The following ACBD6 variants were observed in gnomAD, a reference collection of about 807,000 sequenced individuals.
ACBD6 encodes the protein acyl-CoA binding domain containing 6.
A neutral mutation model predicts 37.2 loss-of-function variants in ACBD6; 28 were observed. The ratio of observed to expected loss-of-function variants is 0.75; its 90% CI spans 0.56 to 1.03. The LOEUF (loss-of-function observed/expected upper bound fraction) is 1.03. Ranked by LOEUF, ACBD6 falls within the 50% of genes least tolerant of loss-of-function variation. The pLI is 0.00. For missense variants in ACBD6, 340 were observed against 337.4 expected (o/e 1.01, Z -0.06); for synonymous variants, 113 against 126.8 (o/e 0.89, Z 0.73).
rs59490649 is a variant in ACBD6, at chr1:180,351,582, G to GT, written c.664-36861dup. 3.2e-3 allele frequency among the ~76,000 whole-genome samples: 314 copies of GT among 96,972 alleles called. 1 individual carries two copies. The highest frequency in any genetic ancestry group is 9.8e-3 in the African/African-American group (275 of 28,100). 63.6% of individuals were successfully genotyped at this position (96,972 alleles called of 152,430 possible). ...GTCACTGTGCCTGGCCCGATATTACGTTTTTTTTTTTTTTTTTTTTGATAG... is the reference window on the plus strand; with the variant it reads ...GTCACTGTGCCTGGCCCGATATTACGTTTTTTTTTTTTTTTTTTTTTGATAG... On this transcript the variant is annotated intron_variant, in intron 6 of 7. Coordinates refer to ENST00000367595, the MANE Select transcript of ACBD6 (RefSeq NM_032360.4).
intron 4 of ACBD6, among the ~76,000 whole-genome samples, chr1:180,424,785 A>G (rs1392695796): frequency 2.0e-5 from 3 of 152,178 alleles, no homozygotes; most frequent in Non-Finnish European, 4.4e-5. Flanking sequence ...GAAAACAGAG[A>G]GGAAGAAAAG....
chr1:180,304,417 T>C (rs1035269554), intron 7 of ACBD6, among the ~76,000 whole-genome samples: 20 of 150,994 alleles, frequency 1.3e-4, no homozygotes, highest in Non-Finnish European at 2.7e-4. Context: ...AGTCTCAGGA[T>C]ACAAAATCAA....
chr1:180,271,911 A>T, exon 14 of ACBD6: 1 of 1,613,592 alleles, frequency 6.2e-7, no homozygotes, highest in Non-Finnish European at 8.5e-7. Flanking sequence ...GGGCAGTTCT[A>T]TAAGAGCGTC....
chr1:180,357,369 A>G (rs1043792787), intron 6 of ACBD6, among the ~76,000 whole-genome samples: 1 of 152,216 alleles, frequency 6.6e-6, no homozygotes, highest in Non-Finnish European at 1.5e-5. Flanking sequence ...GAATAAGTAA[A>G]GAAACGGTAA....
At chr1:180,324,484 A>C (rs1431849344) in intron 6 of ACBD6, among the ~76,000 whole-genome samples, 1 of 152,136 alleles carries the variant, frequency 6.6e-6, no homozygotes, top group African/African-American at 2.4e-5. Flanking sequence ...ATAGGCAAAA[A>C]AAAACTAATA....
chr1:180,274,082 C>T lies in ACBD6; in HGVS notation c.*967G>A, dbSNP rs1037861690. ...TGCTTGGCTGCAAGGCAGCTGCCAT[C>T]CTTGGGCATCTTTCCTGGTCATGTG... On this transcript the variant is annotated 3_prime_UTR_variant, in exon 11 of 14. Transcript: ENST00000642319. The T allele has an allele frequency of 4.1e-6, 6 of 1,455,218 alleles. No individual in the cohort carries two copies. In the East Asian group the frequency reaches 1.4e-4, roughly 33 times the overall value. The allele number at this position is 1,455,218 out of a possible 1,614,324, so 90.1% of individuals were successfully genotyped here. A position where few individuals can be genotyped will look rare whatever the true frequency, so the allele number is the denominator to read the frequency against.
intron 3 of ACBD6, among the ~76,000 whole-genome samples, chr1:180,454,930 A>G (rs2102032776): frequency 6.6e-6 from 1 of 152,298 alleles, no homozygotes; most frequent in African/African-American, 2.4e-5. Context: ...TGGGACTGTA[A>G]ACTAGTTCAA....
chr1:180,334,854 C>T (rs1219249985), intron 6 of ACBD6, among the ~76,000 whole-genome samples: 2 of 152,072 alleles, frequency 1.3e-5, no homozygotes, highest in East Asian at 1.9e-4. Flanking sequence ...ACGAGAACTA[C>T]GTGACGAATG....
chr1:180,353,785 C>CAAA (rs56286672), intron 6 of ACBD6, among the ~76,000 whole-genome samples: 14,681 of 21,560 alleles, frequency 0.68, 5,284 homozygotes, highest in East Asian at 0.85. Context: ...TTAACAACCA[C>CAAA]AAAAAAAAAA....
intron 7 of ACBD6, among the ~76,000 whole-genome samples, chr1:180,289,805 C>A (rs190297523): frequency 2.4e-4 from 37 of 152,120 alleles, no homozygotes; most frequent in Middle Eastern, 3.4e-3. Context: ...GGGAAAAAAA[C>A]AAGTGAGAAG....
chr1:180,383,254 C>T (rs1272960342), intron 6 of ACBD6, among the ~76,000 whole-genome samples: 1 of 152,126 alleles, frequency 6.6e-6, no homozygotes, highest in Non-Finnish European at 1.5e-5. Flanking sequence ...TCAAACTGTC[C>T]TTCTTTGACA....
At chr1:180,281,022 G>A (rs1014995263) in intron 9 of ACBD6, among the ~76,000 whole-genome samples, 1 of 152,154 alleles carries the variant, frequency 6.6e-6, no homozygotes, top group African/African-American at 2.4e-5. Context: ...CTGTTTTTGA[G>A]TATAGCAGGT....
intron 6 of ACBD6, among the ~76,000 whole-genome samples, chr1:180,382,534 G>A (rs1653696358): frequency 6.6e-6 from 1 of 152,118 alleles, no homozygotes; most frequent in South Asian, 2.1e-4. Context: ...TAGACCAACA[G>A]TGAGTAATGA....
intron 6 of ACBD6, among the ~76,000 whole-genome samples, chr1:180,394,274 G>A (rs944641496): frequency 1.2e-4 from 18 of 151,922 alleles, no homozygotes; most frequent in Non-Finnish European, 5.9e-5. Context: ...AAAATGTGTG[G>A]AGATGGGGTC....
intron 7 of ACBD6, among the ~76,000 whole-genome samples, chr1:180,306,440 C>T (rs967546378): frequency 6.6e-6 from 1 of 152,076 alleles, no homozygotes. Context: ...AGCACGCGTG[C>T]CCTGTTAACC....
At chr1:180,333,608 T>C (rs950689384) in intron 6 of ACBD6, among the ~76,000 whole-genome samples, 4 of 152,144 alleles carry the variant, frequency 2.6e-5, no homozygotes, top group Admixed American at 6.5e-5. Flanking sequence ...AGACGGGTGA[T>C]TTCTGCATTT....
intron 7 of ACBD6, among the ~76,000 whole-genome samples, chr1:180,312,356 T>A (rs1275111564): frequency 6.6e-6 from 1 of 151,962 alleles, no homozygotes; most frequent in Non-Finnish European, 1.5e-5. Flanking sequence ...ATGTTTTAAA[T>A]TTTTTTTAGC....
At chr1:180,387,584 G>T (rs939400198) in intron 6 of ACBD6, among the ~76,000 whole-genome samples, 1 of 152,176 alleles carries the variant, frequency 6.6e-6, no homozygotes, top group Non-Finnish European at 1.5e-5. Flanking sequence ...AAAGCTCAGG[G>T]TACTCATTCA....
At chr1:180,410,674 A>C (rs1480979118) in intron 5 of ACBD6, among the ~76,000 whole-genome samples, 6 of 151,848 alleles carry the variant, frequency 4.0e-5, no homozygotes, top group Non-Finnish European at 8.8e-5. Flanking sequence ...AAAAAAAAAA[A>C]CATTCCTTTC....
Sources: allele counts gnomAD v4.1 joint callset (sites outside exome capture counted in the v4.1 genomes callset), GRCh38; gene constraint gnomAD v4.1.1; transcripts MANE v1.5; gene names NCBI Gene and HGNC (gene_info 2026-07-23, HGNC 2026-07-21).